FCMR: variants seen among roughly 807,000 people sequenced by gnomAD.
FCMR encodes the protein Fc mu receptor.
A neutral mutation model predicts 41.6 loss-of-function variants in FCMR; 34 were observed. The ratio of observed to expected loss-of-function variants is 0.82; its 90% CI spans 0.62 to 1.09. The LOEUF is 1.09. Among genes scored for constraint, FCMR ranks in the 50% least tolerant of loss-of-function variants. The pLI is 0.00. For missense variants in FCMR, 496 were observed against 512.5 expected (o/e 0.97, Z 0.31); for synonymous variants, 209 against 211.8 (o/e 0.99, Z 0.12).
Position 206,911,896 on chromosome 1 carries a change from T to C in FCMR, c.544A>G (p.Thr182Ala), listed in dbSNP as rs756128168. Reference sequence around the variant, plus strand: ...ACTCGAGGGCGGTGGGTGATTTGGGTGGTGGGGGAGGAGTGGTGAACTGGA... The same window carrying C: ...ACTCGAGGGCGGTGGGTGATTTGGGCGGTGGGGGAGGAGTGGTGAACTGGA... ...VPPVHHSSPT[T>A]QITHRPRVSR... is the part of the protein sequence containing the mutation. The change falls in exon 4 of 8, where the codon ACC becomes GCC. Residue 182 changes from threonine to alanine, a missense_variant. Coordinates refer to ENST00000367091, the MANE Select transcript of FCMR (RefSeq NM_005449.5). 8 of 1,605,730 alleles carry C rather than the reference T, an allele frequency of 5.0e-6. No individual in the cohort carries two copies. Among genetic ancestry groups the C allele is most frequent in the Non-Finnish European group, 6.8e-6 (8 of 1,177,488 alleles).
chr1:206,918,144 C>A (rs755312930), intron 1 of FCMR, among the ~76,000 whole-genome samples: 14 of 152,134 alleles, frequency 9.2e-5, no homozygotes, highest in Non-Finnish European at 2.1e-4. Flanking sequence ...ATGTAATGGT[C>A]ACCTCTTTGT....
chr1:206,919,427 C>A (rs1031786195), intron 1 of FCMR, among the ~76,000 whole-genome samples: 4 of 152,098 alleles, frequency 2.6e-5, no homozygotes, highest in Admixed American at 6.5e-5. Flanking sequence ...GAGACCCTAT[C>A]TCTATTAAAA....
intron 1 of FCMR, among the ~76,000 whole-genome samples, chr1:206,918,626 T>C (rs778318525): frequency 7.9e-5 from 12 of 151,028 alleles, no homozygotes; most frequent in Non-Finnish European, 1.6e-4. Context: ...CATCTTCATG[T>C]TAAAGAATCA....
intron 1 of FCMR, among the ~76,000 whole-genome samples, chr1:206,917,319 G>A (rs557632009): frequency 1.6e-4 from 24 of 152,220 alleles, no homozygotes; most frequent in African/African-American, 5.5e-4. Context: ...GCTGGCCTGT[G>A]ATTTTTATGT....
In FCMR at chr1:206,909,980, G is replaced by A; in HGVS notation, c.842-112C>T. ...CGGGCTTGGCAGTGTCTGACCTGGAGATGCTCCAAGCGTGGGGAATGTACG... is the reference window on the plus strand; with the variant it reads ...CGGGCTTGGCAGTGTCTGACCTGGAAATGCTCCAAGCGTGGGGAATGTACG... On this transcript the variant is annotated intron_variant, in intron 5 of 7. Coordinates refer to ENST00000367091, the MANE Select transcript of FCMR (RefSeq NM_005449.5). This position sits in a 1 kb window ranked among gnomAD's most constrained non-coding sequence, Gnocchi z 5.0. 8.0e-7 allele frequency: 1 copy of A among 1,246,748 alleles called. No homozygotes were observed. The highest frequency in any genetic ancestry group is 1.0e-6 in the Non-Finnish European group (1 of 954,334). 77.2% of individuals were successfully genotyped at this position (1,246,748 alleles called of 1,614,324 possible). A position where few individuals can be genotyped will look rare whatever the true frequency, so the allele number is the denominator to read the frequency against.
chr1:206,909,544 GA>G lies in FCMR; in HGVS notation c.986-25del. On this transcript the variant is annotated intron_variant, in intron 6 of 7. Coordinates refer to ENST00000367091, the MANE Select transcript of FCMR (RefSeq NM_005449.5). This position sits in a 1 kb window ranked among gnomAD's most constrained non-coding sequence, Gnocchi z 5.0. ...GCCTAGGGAACAGCGAGGGCGAGGT[GA>G]GGCGGCGGCCGAGGCTCCCGCCCCA... 5 of 1,324,892 alleles carry G rather than the reference GA, an allele frequency of 3.8e-6. No individual in the cohort carries two copies. The East Asian group carries it at 1.3e-4, about 33-fold the overall frequency. 82.1% of individuals were successfully genotyped at this position (1,324,892 alleles called of 1,614,324 possible). A position where few individuals can be genotyped will look rare whatever the true frequency, so the allele number is the denominator to read the frequency against.
rs769784881 is a variant in FCMR at position 206,912,911 on chromosome 1, T to C, written c.487+18A>G. The stretch of plus-strand genomic sequence containing the variant: ...AGCATCTCACCCACCTCTCCTACCC[T>C]TGCTATGGTGAACTGACCTCTGGTT... On this transcript the variant is annotated intron_variant, in intron 3 of 7. Coordinates refer to ENST00000367091, the MANE Select transcript of FCMR (RefSeq NM_005449.5). The C allele has an allele frequency of 2.0e-5, 30 of 1,531,802 alleles. No individual in the cohort carries two copies. Among genetic ancestry groups the C allele is most frequent in the Non-Finnish European group, 2.6e-5 (29 of 1,105,396 alleles). 94.9% of individuals were successfully genotyped at this position (1,531,802 alleles called of 1,614,324 possible).
Position 206,921,792 on chromosome 1 carries a change from C to T in FCMR, c.37+26G>A, listed in dbSNP as rs373573583. ...GCCAATTCAAGCCTCATTCAGAGGT[C>T]TGAAGTGTTTCCCCACGGTACTTAC... On this transcript the variant is annotated intron_variant, in intron 1 of 7. Coordinates refer to ENST00000367091, the MANE Select transcript of FCMR (RefSeq NM_005449.5). 287 of 1,609,732 alleles carry T rather than the reference C, an allele frequency of 1.8e-4. 1 individual carries two copies. The African/African-American group carries it at 3.5e-3, about 19-fold the overall frequency.
intron 2 of FCMR, 126 bp downstream of exon 2, chr1:206,913,633 A>G (rs985422913): frequency 3.9e-5 from 28 of 722,362 alleles, no homozygotes; most frequent in Non-Finnish European, 6.1e-5. Flanking sequence ...GATCTCAATC[A>G]TTATGTGGCT....
At chr1:206,919,556 A>G (rs1430394238) in intron 1 of FCMR, among the ~76,000 whole-genome samples, 1 of 152,104 alleles carries the variant, frequency 6.6e-6, no homozygotes, top group African/African-American at 2.4e-5. Flanking sequence ...TGATCACACC[A>G]CTGCATTCCA....
intron 3 of FCMR, among the ~76,000 whole-genome samples, chr1:206,912,642 C>T (rs1678992934): frequency 6.6e-6 from 1 of 152,222 alleles, no homozygotes; most frequent in African/African-American, 2.4e-5. Flanking sequence ...ATAAAAAGAG[C>T]TAGATTTTGT....
intron 1 of FCMR, among the ~76,000 whole-genome samples, chr1:206,916,946 A>G (rs1679220608): frequency 6.6e-6 from 1 of 152,222 alleles, no homozygotes; most frequent in African/African-American, 2.4e-5. Flanking sequence ...TCTGGGGAAG[A>G]AAGGGAGGAA....
rs1678562826 is a variant in FCMR, at chr1:206,905,031, A to G, written c.1161T>C (p.Asn387=). ...MEDSDSDDYI[N]VPA Reference sequence around the variant, plus strand: ...AGCTGGGGAGTTGTCAGGCAGGAACATTGATGTAGTCATCTGAATCACTGT... The same window carrying G: ...AGCTGGGGAGTTGTCAGGCAGGAACGTTGATGTAGTCATCTGAATCACTGT... The change falls in exon 8 of 8, where the codon AAT becomes AAC. Residue 387 remains asparagine, a synonymous_variant. Coordinates refer to ENST00000367091, the MANE Select transcript of FCMR (RefSeq NM_005449.5). 7 of 1,613,966 alleles carry G rather than the reference A, an allele frequency of 4.3e-6. No individual in the cohort carries two copies. Among genetic ancestry groups the G allele is most frequent in the African/African-American group, 4.0e-5 (3 of 74,906 alleles).
intron 4 of FCMR, 60 bp downstream of exon 4, chr1:206,911,670 G>A: frequency 1.3e-6 from 2 of 1,490,978 alleles, no homozygotes; most frequent in Non-Finnish European, 1.9e-6. Context: ...ACATTGCAGT[G>A]GGTTTCAGTG....
At position 206,903,466 on chromosome 1, in the gene FCMR, T is replaced by A. The variant is rs1678480588; in HGVS notation, c.*1553A>T. ...GTAAGTACTTAATAAACTGTGGTGC[T>A]TTTTTTGGCCTGTCTTTGGATTGTT... On this transcript the variant is annotated 3_prime_UTR_variant, in exon 8 of 8. Transcript: ENST00000367091. 6.0e-6 allele frequency: 1 copy of A among 165,676 alleles called. No homozygotes were observed. Among genetic ancestry groups the A allele is most frequent in the Admixed American group, 5.8e-5 (1 of 17,262 alleles). The allele number at this position is 165,676 out of a possible 1,614,324, so 10.3% of individuals were successfully genotyped here.
At chr1:206,922,479 A>G (rs1044107907), upstream of FCMR, among the ~76,000 whole-genome samples, 1 of 152,340 alleles carries the variant, frequency 6.6e-6, no homozygotes, top group Non-Finnish European at 1.5e-5. Flanking sequence ...TTCTTCATCT[A>G]GGAAATAAAC....
At chr1:206,906,773 G>T (rs1350257489) in intron 7 of FCMR, among the ~76,000 whole-genome samples, 2 of 151,856 alleles carry the variant, frequency 1.3e-5, no homozygotes, top group Non-Finnish European at 2.9e-5. Flanking sequence ...GGTCTGTGTG[G>T]TCACAGGGCA....
intron 1 of FCMR, among the ~76,000 whole-genome samples, chr1:206,920,286 C>T (rs944310263): frequency 6.6e-6 from 1 of 152,202 alleles, no homozygotes; most frequent in Admixed American, 6.5e-5. Context: ...AAAACCCCGT[C>T]TCTACTAAAA....
At chr1:206,910,533 C>T (rs1572621981) in intron 4 of FCMR, among the ~76,000 whole-genome samples, 193 bp from the exon 5 acceptor site, 2 of 152,186 alleles carry the variant, frequency 1.3e-5, no homozygotes, top group Non-Finnish European at 2.9e-5. Context: ...ATTCATATTC[C>T]GCCTTTTACT....
Sources: allele counts gnomAD v4.1 joint callset (sites outside exome capture counted in the v4.1 genomes callset), GRCh38; gene constraint gnomAD v4.1.1; non-coding constraint Gnocchi (gnomAD v3.1); transcripts MANE v1.5; gene names NCBI Gene and HGNC (gene_info 2026-07-23, HGNC 2026-07-21).